The following EMB variants were observed in gnomAD, a reference collection of about 807,000 sequenced individuals.
EMB encodes embigin.
In EMB, 31 loss-of-function variants were observed where a neutral mutation model predicts 41.4. That is an observed-to-expected ratio of 0.75 (90% CI 0.56 to 1.01). EMB has a LOEUF of 1.01. Ranked by LOEUF, EMB falls within the 50% of genes least tolerant of loss-of-function variation. The pLI is 0.00. For synonymous variants in EMB, 137 were observed against 140.4 expected (o/e 0.98, Z 0.17); for missense variants, 379 against 388.3 (o/e 0.98, Z 0.20).
intron 2 of EMB, among the ~76,000 whole-genome samples, chr5:50,415,978 G>A (rs1471761062): frequency 1.3e-5 from 2 of 152,160 alleles, no homozygotes; most frequent in African/African-American, 4.8e-5. Context: ...GTGCAACACA[G>A]TTTTTCTTAA....
Position 50,410,875 on chromosome 5 carries a change from AC to A in EMB, c.472+1del, listed in dbSNP as rs746512515. ...ACTATTCCTCAAGTTATTAATACTG[AC>A]CTTTGAAATTAAATGTTCCCCTTTG... On this transcript the variant is annotated splice_donor_variant, in intron 4 of 8. Coordinates refer to ENST00000303221, the MANE Select transcript of EMB (RefSeq NM_198449.3). LOFTEE classifies it high-confidence loss of function. 6.4e-7 allele frequency: 1 copy of A among 1,570,188 alleles called. No homozygotes were observed. Among genetic ancestry groups the A allele is most frequent in the Non-Finnish European group, 8.7e-7 (1 of 1,152,140 alleles).
intron 2 of EMB, among the ~76,000 whole-genome samples, chr5:50,426,048 T>C (rs537778325): frequency 1.3e-5 from 2 of 152,338 alleles, no homozygotes; most frequent in South Asian, 4.1e-4. Context: ...TTTATTTTCA[T>C]TGTTTACTAC....
At position 50,404,818 on chromosome 5, in the gene EMB, C is replaced by CA. The variant is rs1013090850; in HGVS notation, c.600+906dup. 1.4e-3 allele frequency among the ~76,000 whole-genome samples: 211 copies of CA among 152,014 alleles called. 2 individuals are homozygous for CA. Among genetic ancestry groups the CA allele is most frequent in the African/African-American group, 5.0e-3 (207 of 41,514 alleles). ...CTATGGGATTTGGTTGGAACTATTT[C>CA]ATTGAAAAACTAAACCTGTTAGCAC... On this transcript the variant is annotated intron_variant, in intron 5 of 8. Coordinates refer to ENST00000303221, the MANE Select transcript of EMB (RefSeq NM_198449.3).
intron 2 of EMB, among the ~76,000 whole-genome samples, chr5:50,423,166 C>T (rs1745553429): frequency 6.7e-6 from 1 of 149,044 alleles, no homozygotes; most frequent in African/African-American, 2.5e-5. Flanking sequence ...TGTTGAATGA[C>T]AAAAATCAAT....
At chr5:50,424,944 T>C (rs1745585599) in intron 2 of EMB, among the ~76,000 whole-genome samples, 1 of 152,186 alleles carries the variant, frequency 6.6e-6, no homozygotes, top group South Asian at 2.1e-4. Flanking sequence ...GGTAGATCCC[T>C]CTTCCATCTT....
At chr5:50,435,596 T>C (rs995738979) in intron 1 of EMB, among the ~76,000 whole-genome samples, 1 of 152,228 alleles carries the variant, frequency 6.6e-6, no homozygotes, top group Non-Finnish European at 1.5e-5. Flanking sequence ...TGTGCTCTTC[T>C]CACCAGATCG....
chr5:50,441,158 A>G lies in EMB; in HGVS notation c.-7T>C. The G allele has an allele frequency of 6.7e-7, 1 of 1,484,502 alleles. No homozygotes were observed. Among genetic ancestry groups the G allele is most frequent in the East Asian group, 2.7e-5 (1 of 37,508 alleles). The allele number at this position is 1,484,502 out of a possible 1,614,324, so 92.0% of individuals were successfully genotyped here. A position where few individuals can be genotyped will look rare whatever the true frequency, so the allele number is the denominator to read the frequency against. ...GGCCGGGGAGGGCGCGCATGGCGCC[A>G]GAGGGTCCGCCTGGGTCCTCGTGGA... On this transcript the variant is annotated 5_prime_UTR_variant, in exon 1 of 9. Coordinates refer to ENST00000303221, the MANE Select transcript of EMB (RefSeq NM_198449.3).
Position 50,430,722 on chromosome 5 carries a change from A to G in EMB, c.113-2495T>C, listed in dbSNP as rs1162397414. On this transcript the variant is annotated intron_variant, in intron 1 of 8. Coordinates refer to ENST00000303221, the MANE Select transcript of EMB (RefSeq NM_198449.3). ...AGTCAGTATATAACTGACTATAGCC[A>G]GTATATTTTATACAAATTGGCACAT... Among the ~76,000 whole-genome samples the G allele has an allele frequency of 2.6e-5, 4 of 152,176 alleles. No individual in the cohort carries two copies. The East Asian group carries it at 7.7e-4, about 29-fold the overall frequency.
At chr5:50,417,095 T>C (rs572250963) in intron 2 of EMB, among the ~76,000 whole-genome samples, 1 of 152,286 alleles carries the variant, frequency 6.6e-6, no homozygotes, top group Admixed American at 6.5e-5. Flanking sequence ...TCTTGAATTC[T>C]TTCCTGAGCC....
At chr5:50,407,468 G>C (rs1356553148) in intron 4 of EMB, among the ~76,000 whole-genome samples, 1 of 152,004 alleles carries the variant, frequency 6.6e-6, no homozygotes, top group Non-Finnish European at 1.5e-5. Context: ...AGCTGACAAT[G>C]ACTGAGTGAC....
chr5:50,409,064 T>G (rs1745292424), intron 4 of EMB, among the ~76,000 whole-genome samples: 1 of 152,038 alleles, frequency 6.6e-6, no homozygotes, highest in Non-Finnish European at 1.5e-5. Context: ...GAAAAAAAAG[T>G]AAATGTTCAG....
At chr5:50,420,834 T>G (rs1745508840) in intron 2 of EMB, among the ~76,000 whole-genome samples, 1 of 152,170 alleles carries the variant, frequency 6.6e-6, no homozygotes, top group South Asian at 2.1e-4. Context: ...TTCAAGCATA[T>G]TAAAATTCTG....
intron 2 of EMB, among the ~76,000 whole-genome samples, chr5:50,414,808 C>T (rs1374484013): frequency 1.3e-5 from 2 of 152,108 alleles, no homozygotes; most frequent in African/African-American, 2.4e-5. Context: ...CTTTACTGTG[C>T]TCTATTTCAC....
intron 1 of EMB, among the ~76,000 whole-genome samples, chr5:50,439,703 T>C (rs1477169314): frequency 6.6e-6 from 1 of 152,168 alleles, no homozygotes; most frequent in African/African-American, 2.4e-5. Flanking sequence ...TGTTAACAAC[T>C]AGACGTTTTA....
chr5:50,436,534 T>C (rs1247984511), intron 1 of EMB, among the ~76,000 whole-genome samples: 2 of 152,196 alleles, frequency 1.3e-5, no homozygotes, highest in Non-Finnish European at 2.9e-5. Flanking sequence ...CCCTCCTACA[T>C]GCTTTCCTCC....
intron 2 of EMB, among the ~76,000 whole-genome samples, chr5:50,419,597 G>T (rs528053192): frequency 1.1e-3 from 157 of 147,394 alleles, no homozygotes; most frequent in African/African-American, 3.7e-3. Context: ...CTGATAAAAA[G>T]TGTTGCTACA....
intron 2 of EMB, among the ~76,000 whole-genome samples, chr5:50,416,774 C>T (rs1039868876): frequency 6.6e-6 from 1 of 152,128 alleles, no homozygotes. Context: ...AAGGAAGAGG[C>T]AACGAAAGAT....
intron 1 of EMB, among the ~76,000 whole-genome samples, chr5:50,431,449 T>C (rs1278555047): frequency 6.6e-6 from 1 of 152,208 alleles, no homozygotes; most frequent in East Asian, 1.9e-4. Flanking sequence ...GTTTGAATAC[T>C]TCCCTAAAAG....
chr5:50,401,653 T>A (rs1745164554), intron 7 of EMB, among the ~76,000 whole-genome samples: 1 of 151,958 alleles, frequency 6.6e-6, no homozygotes, highest in African/African-American at 2.4e-5. Flanking sequence ...CCAGACCTCC[T>A]CATGCTTAAC....
Sources: allele counts gnomAD v4.1 joint callset (sites outside exome capture counted in the v4.1 genomes callset), GRCh38; gene constraint gnomAD v4.1.1; transcripts MANE v1.5; gene names NCBI Gene and HGNC (gene_info 2026-07-23, HGNC 2026-07-21).